The following ACSS3 variants were observed in gnomAD, a reference collection of about 807,000 sequenced individuals.
The protein encoded by ACSS3 is acyl-CoA synthetase short chain family member 3, also known as acyl-CoA synthetase short-chain family member 3, mitochondrial.
Under a neutral mutation model 84.2 loss-of-function variants are expected in ACSS3, and 64 were observed. The observed-to-expected ratio is 0.76, with a 90% CI of 0.62 to 0.94. ACSS3 has a LOEUF of 0.94. ACSS3 is among the 40% of genes least tolerant of loss of function. The pLI is 0.00. For missense variants in ACSS3, 815 were observed against 867.6 expected, an observed-to-expected ratio of 0.94 and a Z score of 0.76; for synonymous variants, 317 against 310.1, an observed-to-expected ratio of 1.02 and a Z score of -0.23.
intron 13 of ACSS3, among the ~76,000 whole-genome samples, chr12:81,234,258 A>G (rs566143385): frequency 1.5e-3 from 222 of 151,492 alleles, no homozygotes; most frequent in Non-Finnish European, 1.3e-3. Context: ...ATAGAATTTC[A>G]TCGTGCAGCT....
chr12:81,136,459 G>A (rs1885809657), intron 3 of ACSS3, among the ~76,000 whole-genome samples: 1 of 152,056 alleles, frequency 6.6e-6, no homozygotes, highest in African/African-American at 2.4e-5. Context: ...ACCATAGTTT[G>A]CAGACCCCTG....
intron 13 of ACSS3, among the ~76,000 whole-genome samples, chr12:81,236,688 C>G (rs998628614): frequency 6.6e-6 from 1 of 151,250 alleles, no homozygotes; most frequent in East Asian, 1.9e-4. Context: ...TGATTCTTCT[C>G]TTTTTCATTC....
chr12:81,206,617 T>C (rs2032361789), intron 9 of ACSS3, among the ~76,000 whole-genome samples: 1 of 152,054 alleles, frequency 6.6e-6, no homozygotes, highest in Non-Finnish European at 1.5e-5. Flanking sequence ...ACAGCATCCA[T>C]CTGGTGAGAG....
chr12:81,111,947 G>A (rs975296949), intron 2 of ACSS3, among the ~76,000 whole-genome samples: 6 of 152,082 alleles, frequency 3.9e-5, no homozygotes, highest in African/African-American at 1.2e-4. Context: ...GCAATATATC[G>A]TTTGGTATTT....
At chr12:81,191,964 T>C (rs1199304304) in intron 8 of ACSS3, among the ~76,000 whole-genome samples, 1 of 152,258 alleles carries the variant, frequency 6.6e-6, no homozygotes, top group Non-Finnish European at 1.5e-5. Flanking sequence ...AACATATTCA[T>C]CCGAGTTATA....
At chr12:81,222,106 A>C (rs571423060) in intron 11 of ACSS3, among the ~76,000 whole-genome samples, 5 of 152,072 alleles carry the variant, frequency 3.3e-5, no homozygotes, top group African/African-American at 1.2e-4. Context: ...GCCTTAAAGC[A>C]TTCTATGGTT....
intron 13 of ACSS3, among the ~76,000 whole-genome samples, chr12:81,245,454 T>C (rs903547106): frequency 6.6e-6 from 1 of 152,120 alleles, no homozygotes; most frequent in Non-Finnish European, 1.5e-5. Context: ...AGAGTGAGAC[T>C]CTGTCTCAAA....
rs867573071 is a variant in ACSS3 at position 81,156,208 on chromosome 12, C to A, written c.1098+4112C>A. On this transcript the variant is annotated intron_variant, in intron 7 of 15. Transcript: ENST00000548058. ...AAAACACACACACACACACACACAC[C>A]CCACACACACACACACACACACGTC... 2.6e-3 allele frequency among the ~76,000 whole-genome samples: 318 copies of A among 124,064 alleles called. 1 individual carries two copies. Among genetic ancestry groups the A allele is most frequent in the African/African-American group, 7.8e-3 (289 of 37,244 alleles). 81.4% of individuals were successfully genotyped at this position (124,064 alleles called of 152,430 possible).
chr12:81,252,496 A>G (rs552409661), intron 13 of ACSS3, among the ~76,000 whole-genome samples: 27 of 152,206 alleles, frequency 1.8e-4, no homozygotes, highest in Non-Finnish European at 2.8e-4. Flanking sequence ...TTCTCTAGCT[A>G]TTAGAGCTAG....
chr12:81,099,962 C>T (rs561178289), intron 1 of ACSS3, among the ~76,000 whole-genome samples: 1 of 152,166 alleles, frequency 6.6e-6, no homozygotes, highest in Non-Finnish European at 1.5e-5. Context: ...CACACGTTCA[C>T]TGACTTAGCT....
Position 81,259,418 on chromosome 12 carries a change from A to T in ACSS3, c.*4496A>T, listed in dbSNP as rs1297308260. 7.6e-6 allele frequency: 5 copies of T among 660,050 alleles called. No individual in the cohort carries two copies. Among genetic ancestry groups the T allele is most frequent in the Non-Finnish European group, 1.4e-5 (5 of 365,320 alleles). 40.9% of individuals were successfully genotyped at this position (660,050 alleles called of 1,614,324 possible). ...ACAACTGGCTTCATTTCATAAAAGC[A>T]TCTGTTGTACAGAGTTTATGATGTA... On this transcript the variant is annotated 3_prime_UTR_variant, in exon 16 of 16. Transcript: ENST00000548058.
chr12:81,216,525 G>A (rs2032922278), intron 9 of ACSS3, among the ~76,000 whole-genome samples: 1 of 152,138 alleles, frequency 6.6e-6, no homozygotes, highest in African/African-American at 2.4e-5. Context: ...CTTTAGGTGA[G>A]TCAAGAGAAA....
rs1188530866 is a variant in ACSS3 at position 81,257,835 on chromosome 12, GCTT to G, written c.*2917_*2919del. ...TCTTATAAATTAAAACATATTTTAT[GCTT>G]CTTTTTTGAGGGAAATACCTGGATC... On this transcript the variant is annotated 3_prime_UTR_variant, in exon 16 of 16. Transcript: ENST00000548058. 1 of 151,952 alleles carries G rather than the reference GCTT, an allele frequency of 6.6e-6. No homozygotes were observed. Among genetic ancestry groups the G allele is most frequent in the Non-Finnish European group, 1.5e-5 (1 of 67,952 alleles). The allele number at this position is 151,952 out of a possible 1,614,324, so 9.4% of individuals were successfully genotyped here. A position where few individuals can be genotyped will look rare whatever the true frequency, so the allele number is the denominator to read the frequency against.
intron 7 of ACSS3, chr12:81,158,470 C>T (rs1449469206): frequency 6.5e-6 from 1 of 153,708 alleles, no homozygotes; most frequent in Non-Finnish European, 1.5e-5. Flanking sequence ...CTGTCACCAT[C>T]ATTCCATAGC....
At chr12:81,227,684 A>T (rs1183823644) in intron 11 of ACSS3, among the ~76,000 whole-genome samples, 1 of 151,842 alleles carries the variant, frequency 6.6e-6, no homozygotes, top group Non-Finnish European at 1.5e-5. Flanking sequence ...GATCAAAATC[A>T]TAGATCAGTT....
chr12:81,081,281 A>G (rs138970978), intron 1 of ACSS3, among the ~76,000 whole-genome samples: 165 of 152,364 alleles, frequency 1.1e-3, no homozygotes, highest in African/African-American at 3.8e-3. Context: ...GGGAACTTCC[A>G]TTGTAGTGAA....
chr12:81,136,501 G>C (rs1885811449), intron 3 of ACSS3, among the ~76,000 whole-genome samples: 1 of 152,052 alleles, frequency 6.6e-6, no homozygotes, highest in Non-Finnish European at 1.5e-5. Context: ...CTTTCAGTCG[G>C]GTGGCCAAAG....
chr12:81,191,749 A>G (rs1393279538), intron 8 of ACSS3, among the ~76,000 whole-genome samples: 5 of 152,024 alleles, frequency 3.3e-5, no homozygotes, highest in South Asian at 2.1e-4. Context: ...ACTTTTTACC[A>G]TATCACCTAT....
At chr12:81,094,550 C>T (rs761484465) in intron 1 of ACSS3, 3 of 152,140 alleles carry the variant, frequency 2.0e-5, no homozygotes, top group Non-Finnish European at 2.9e-5. Context: ...TTTGGACATT[C>T]TCAAATGATT....
Sources: allele counts gnomAD v4.1 joint callset (sites outside exome capture counted in the v4.1 genomes callset), GRCh38; gene constraint gnomAD v4.1.1; transcripts MANE v1.5; gene names NCBI Gene and HGNC (gene_info 2026-07-23, HGNC 2026-07-21).